Variants in TIAM2 observed in about 807,000 individuals in gnomAD.
The protein encoded by TIAM2 is rho guanine nucleotide exchange factor TIAM2.
TIAM2 carries 80 observed loss-of-function variants against 152.9 expected under a neutral mutation model. The observed-to-expected ratio is 0.52, with a 90% CI of 0.44 to 0.63. The LOEUF is 0.63. Ranked by LOEUF, TIAM2 falls within the 30% of genes least tolerant of loss-of-function variation. The probability of loss-of-function intolerance (pLI) is 0.00; values close to 1 mark genes in which losing one functional copy is unlikely to be tolerated. For missense variants in TIAM2, 1,965 were observed against 2,120.1 expected, an observed-to-expected ratio of 0.93 and a Z score of 1.44; for synonymous variants, 804 against 838.0, an observed-to-expected ratio of 0.96 and a Z score of 0.70.
At chr6:155,159,625 G>A (rs1173294796) in intron 7 of TIAM2, among the ~76,000 whole-genome samples, 1 of 152,162 alleles carries the variant, frequency 6.6e-6, no homozygotes, top group South Asian at 2.1e-4. Context: ...AAGGTCTGTT[G>A]TGAGCCTTTG....
At chr6:155,250,020 T>G in intron 21 of TIAM2, 51 bp downstream of exon 21, 1 of 1,410,462 alleles carries the variant, frequency 7.1e-7, no homozygotes, top group East Asian at 2.3e-5. Flanking sequence ...GTGTGGGGTC[T>G]GTAGGTGACC....
At position 155,199,509 on chromosome 6, in the gene TIAM2, C is replaced by G. The variant is rs566204230; in HGVS notation, c.3065-11695C>G. ...GTCTCAAATGGATTCTAGTTCCTGGCTTTTTCGTCTGTGACCATGGGCAGG... is the reference window on the plus strand; with the variant it reads ...GTCTCAAATGGATTCTAGTTCCTGGGTTTTTCGTCTGTGACCATGGGCAGG... On this transcript the variant is annotated intron_variant, in intron 14 of 26. Coordinates refer to ENST00000682666, the MANE Select transcript of TIAM2 (RefSeq NM_012454.4). 5.9e-5 allele frequency among the ~76,000 whole-genome samples: 9 copies of G among 152,286 alleles called. No homozygotes were observed. The South Asian group carries it at 6.2e-4, about 11-fold the overall frequency.
intron 7 of TIAM2, among the ~76,000 whole-genome samples, chr6:155,160,881 C>G (rs191488609): frequency 4.1e-4 from 63 of 152,288 alleles, no homozygotes; most frequent in Admixed American, 6.5e-4. Context: ...TTTGCATTTT[C>G]TACTAAATTA....
At chr6:155,005,815 A>G (rs1169420423) in intron 1 of TIAM2, among the ~76,000 whole-genome samples, 2 of 151,000 alleles carry the variant, frequency 1.3e-5, no homozygotes, top group Admixed American at 6.6e-5. Flanking sequence ...ACGCCCAGCT[A>G]ATTTTTCTAT....
chr6:155,189,488 C>T (rs990015079), intron 14 of TIAM2, among the ~76,000 whole-genome samples: 2 of 151,960 alleles, frequency 1.3e-5, no homozygotes, highest in Non-Finnish European at 2.9e-5. Flanking sequence ...TGGAAGTGAG[C>T]GTGTGGCTTT....
chr6:155,131,115 T>A (rs1415750490), intron 4 of TIAM2, among the ~76,000 whole-genome samples: 2 of 152,228 alleles, frequency 1.3e-5, no homozygotes, highest in African/African-American at 4.8e-5. Context: ...ATCCCAGCAC[T>A]TGGGGATGCC....
intron 12 of TIAM2, among the ~76,000 whole-genome samples, chr6:155,179,864 C>T (rs1347905926): frequency 6.6e-6 from 1 of 152,206 alleles, no homozygotes; most frequent in South Asian, 2.1e-4. Context: ...TCTTTCTTCC[C>T]CCATCCCTCC....
Position 155,130,111 on chromosome 6 carries a change from C to T in TIAM2, c.888C>T (p.Leu296=), listed in dbSNP as rs1404016133. 1 of 1,614,200 alleles carries T rather than the reference C, an allele frequency of 6.2e-7. No homozygotes were observed. Among genetic ancestry groups the T allele is most frequent in the South Asian group, 1.1e-5 (1 of 91,086 alleles). The change falls in exon 4 of 27, where the codon CTC becomes CTT. Residue 296 remains leucine (L), a synonymous_variant. Transcript: ENST00000682666. ...AGCCTTTCAACCAAAGCTCTTCCCT[C>T]TCCTCCCTCCGGGAACTGTACAAAG... ...AKKPFNQSSS[L]SSLRELYKDA...
chr6:155,058,095 G>T (rs1777494583), intron 1 of TIAM2, among the ~76,000 whole-genome samples: 1 of 152,064 alleles, frequency 6.6e-6, no homozygotes, highest in Admixed American at 6.6e-5. Flanking sequence ...TATCATTGTG[G>T]TTTTTCCTGC....
intron 14 of TIAM2, among the ~76,000 whole-genome samples, chr6:155,204,319 T>C (rs1469516703): frequency 6.6e-6 from 1 of 152,126 alleles, no homozygotes; most frequent in Non-Finnish European, 1.5e-5. Flanking sequence ...GAAAATCATG[T>C]CCCTGATGGT....
chr6:155,152,571 G>T (rs1263215877), intron 7 of TIAM2, among the ~76,000 whole-genome samples: 1 of 152,320 alleles, frequency 6.6e-6, no homozygotes, highest in Non-Finnish European at 1.5e-5. Context: ...CTCATCCATG[G>T]TGCTGATTTT....
intron 26 of TIAM2, 48 bp downstream of exon 26, chr6:155,254,621 T>G (rs774109055): frequency 1.6e-5 from 25 of 1,595,914 alleles, no homozygotes; most frequent in Non-Finnish European, 2.1e-5. Context: ...TATTATGAGC[T>G]TCTGAAAAGG....
At chr6:155,222,233 C>T (rs946130104) in intron 15 of TIAM2, among the ~76,000 whole-genome samples, 1 of 151,902 alleles carries the variant, frequency 6.6e-6, no homozygotes, top group Non-Finnish European at 1.5e-5. Flanking sequence ...GGATTACAGG[C>T]GTGAGCCACC....
At chr6:155,101,004 G>A (rs975743892) in intron 2 of TIAM2, among the ~76,000 whole-genome samples, 6 of 152,140 alleles carry the variant, frequency 3.9e-5, no homozygotes, top group African/African-American at 1.4e-4. Context: ...CACGTCAGTT[G>A]TACATTTGCG....
chr6:155,089,288 G>A (rs1285835026), intron 1 of TIAM2, among the ~76,000 whole-genome samples: 1 of 152,062 alleles, frequency 6.6e-6, no homozygotes, highest in Admixed American at 6.6e-5. Flanking sequence ...CGCTATCTCA[G>A]CTCATTGCAA....
chr6:155,110,184 C>T (rs1010454410), intron 2 of TIAM2, among the ~76,000 whole-genome samples: 5 of 151,982 alleles, frequency 3.3e-5, no homozygotes, highest in Non-Finnish European at 7.4e-5. Context: ...AACTCCTGAT[C>T]TCAAGTGATC....
intron 1 of TIAM2, among the ~76,000 whole-genome samples, chr6:155,089,575 C>T (rs1038493033): frequency 6.6e-6 from 1 of 152,156 alleles, no homozygotes; most frequent in Non-Finnish European, 1.5e-5. Context: ...CTCCAGAATC[C>T]GTAACAATGG....
chr6:155,244,597 T>A, intron 17 of TIAM2, 61 bp from the exon 18 acceptor site: 1 of 1,573,570 alleles, frequency 6.4e-7, no homozygotes, highest in Non-Finnish European at 8.7e-7. Context: ...GCCTAAGAGT[T>A]AGCGTGGTGT....
At chr6:155,100,093 T>A (rs1319117766) in intron 2 of TIAM2, among the ~76,000 whole-genome samples, 1 of 152,198 alleles carries the variant, frequency 6.6e-6, no homozygotes, top group Non-Finnish European at 1.5e-5. Flanking sequence ...TGTATTAAGT[T>A]TTTTAACTGA....
Sources: gnomAD v4.1 joint callset for allele counts (sites outside exome capture counted in the v4.1 genomes callset) on GRCh38, gnomAD v4.1.1 for gene constraint, MANE v1.5 for transcripts, NCBI Gene and HGNC (gene_info 2026-07-23, HGNC 2026-07-21) for gene names.